LINGO2: variants seen among roughly 807,000 people sequenced by gnomAD.
The protein encoded by LINGO2 is leucine rich repeat and Ig domain containing 2.
Under a neutral mutation model 30.6 loss-of-function variants are expected in LINGO2, and 14 were observed. That is an observed-to-expected ratio of 0.46 (90% CI 0.30 to 0.72). The LOEUF (loss-of-function observed/expected upper bound fraction) is 0.72. Ranked by LOEUF, LINGO2 falls within the 30% of genes least tolerant of loss-of-function variation. The pLI is 0.07. For synonymous variants in LINGO2, 317 were observed against 288.5 expected, an observed-to-expected ratio of 1.10 and a Z score of -1.00; for missense variants, 729 against 751.7, an observed-to-expected ratio of 0.97 and a Z score of 0.35.
At chr9:28,279,454 CT>C (rs1400984636) in intron 4 of LINGO2, among the ~76,000 whole-genome samples, 1 of 152,116 alleles carries the variant, frequency 6.6e-6, no homozygotes, top group Non-Finnish European at 1.5e-5. Flanking sequence ...CCACTTCAAC[CT>C]TCTGATCTCA....
the LINGO2 span, among the ~76,000 whole-genome samples, chr9:28,934,032 G>C: frequency 0.11 from 17,268 of 152,218 alleles, 980 homozygotes; most frequent in South Asian, 0.15. Flanking sequence ...GGGACATAAG[G>C]TATAGGGGTG....
the LINGO2 span, among the ~76,000 whole-genome samples, chr9:28,747,513 T>C: frequency 6.6e-6 from 1 of 151,978 alleles, no homozygotes; most frequent in East Asian, 1.9e-4. Flanking sequence ...AAGAGCACAG[T>C]GTAGCACACA....
the LINGO2 span, among the ~76,000 whole-genome samples, chr9:28,942,339 A>G: frequency 6.6e-6 from 1 of 152,204 alleles, no homozygotes; most frequent in Non-Finnish European, 1.5e-5. Context: ...TATATAGCTG[A>G]GAAGCAAGTG....
chr9:28,188,248 A>T (rs1901564), intron 4 of LINGO2, among the ~76,000 whole-genome samples: 20,079 of 151,906 alleles, frequency 0.13, 1,427 homozygotes, highest in South Asian at 0.18. Context: ...GTGAATGAAC[A>T]TTACCTTGGA....
chr9:28,519,044 GT>G (rs1274369442), intron 1 of LINGO2, among the ~76,000 whole-genome samples: 1 of 151,844 alleles, frequency 6.6e-6, no homozygotes, highest in Non-Finnish European at 1.5e-5. Flanking sequence ...TGTTTTTTGT[GT>G]TTTGGAGACA....
chr9:28,708,087 C>T, the LINGO2 span, among the ~76,000 whole-genome samples: 1 of 152,002 alleles, frequency 6.6e-6, no homozygotes, highest in African/African-American at 2.4e-5. Context: ...TCTAAGTCTA[C>T]TAAATGGAAC....
intron 4 of LINGO2, among the ~76,000 whole-genome samples, chr9:28,137,216 C>CAG (rs1563995809): frequency 6.6e-6 from 1 of 151,692 alleles, no homozygotes; most frequent in Non-Finnish European, 1.5e-5. Flanking sequence ...CACACACACA[C>CAG]ACACACACAC....
intron 1 of LINGO2, among the ~76,000 whole-genome samples, chr9:28,546,680 T>C (rs1452042042): frequency 6.6e-6 from 1 of 151,986 alleles, no homozygotes; most frequent in East Asian, 1.9e-4. Context: ...GAATTCTAGT[T>C]TCTGTGGCCT....
chr9:28,441,095 C>T (rs1349906082), intron 2 of LINGO2, among the ~76,000 whole-genome samples: 1 of 152,050 alleles, frequency 6.6e-6, no homozygotes, highest in Non-Finnish European at 1.5e-5. Flanking sequence ...TGCCCTCTCA[C>T]AGTTTTTTTC....
chr9:28,052,718 C>A (rs1269483015), intron 4 of LINGO2, among the ~76,000 whole-genome samples: 1 of 151,874 alleles, frequency 6.6e-6, no homozygotes, highest in Non-Finnish European at 1.5e-5. Flanking sequence ...CAAATTGGAG[C>A]CCAAGAAAGT....
intron 4 of LINGO2, among the ~76,000 whole-genome samples, chr9:28,017,763 T>A (rs888414047): frequency 6.6e-6 from 1 of 152,164 alleles, no homozygotes. Flanking sequence ...GAATCAATAC[T>A]GTAATAATGG....
the LINGO2 span, among the ~76,000 whole-genome samples, chr9:28,980,230 C>T: frequency 6.6e-6 from 1 of 152,048 alleles, no homozygotes; most frequent in Admixed American, 6.6e-5. Flanking sequence ...TCATAATGAC[C>T]ACATAGGGCC....
At chr9:27,964,407 A>T (rs550229975) in intron 5 of LINGO2, among the ~76,000 whole-genome samples, 4 of 152,216 alleles carry the variant, frequency 2.6e-5, no homozygotes, top group Admixed American at 2.6e-4. Context: ...GTCTATAATT[A>T]CTTGGCTAGG....
intron 1 of LINGO2, among the ~76,000 whole-genome samples, chr9:28,562,384 T>G (rs1459681898): frequency 7.2e-6 from 1 of 139,194 alleles, no homozygotes; most frequent in African/African-American, 2.8e-5. Context: ...ATCTCTCATG[T>G]ATAAAGTCAA....
the LINGO2 span, among the ~76,000 whole-genome samples, chr9:28,687,157 T>C: frequency 6.6e-6 from 1 of 152,086 alleles, no homozygotes; most frequent in Non-Finnish European, 1.5e-5. Context: ...TAGAAAACAC[T>C]AATTTATTCA....
chr9:28,333,172 G>T (rs1314578519), intron 3 of LINGO2, among the ~76,000 whole-genome samples: 5 of 152,202 alleles, frequency 3.3e-5, no homozygotes, highest in Non-Finnish European at 7.3e-5. Flanking sequence ...GAACAATTAA[G>T]TTAGGCAAAC....
chr9:29,164,765 CGT>C, the LINGO2 span, among the ~76,000 whole-genome samples: 6,224 of 151,900 alleles, frequency 0.041, 396 homozygotes, highest in African/African-American at 0.14. Context: ...CATATATGCA[CGT>C]GTGTGTATAT....
chr9:28,123,946 G>A (rs1471121446), intron 4 of LINGO2, among the ~76,000 whole-genome samples: 1 of 152,132 alleles, frequency 6.6e-6, no homozygotes, highest in Non-Finnish European at 1.5e-5. Flanking sequence ...GATTACAGGT[G>A]TGAGCCACCG....
chr9:28,282,756 T>C (rs1823373048), intron 4 of LINGO2, among the ~76,000 whole-genome samples: 2 of 152,096 alleles, frequency 1.3e-5, no homozygotes, highest in South Asian at 4.1e-4. Flanking sequence ...AAGTCGGAAT[T>C]CTTGGCTAGG....
Sources: allele counts gnomAD v4.1 joint callset (sites outside exome capture counted in the v4.1 genomes callset), GRCh38; gene constraint gnomAD v4.1.1; transcripts MANE v1.5; gene names NCBI Gene and HGNC (gene_info 2026-07-23, HGNC 2026-07-21).